The following RP1 variants were observed in gnomAD, a reference collection of about 807,000 sequenced individuals.
RP1 encodes oxygen-regulated protein 1.
Under a neutral mutation model 14.8 loss-of-function variants are expected in RP1, and 16 were observed. That is an observed-to-expected ratio of 1.08 (90% CI 0.73 to 1.65). The LOEUF (loss-of-function observed/expected upper bound fraction) is 1.65. RP1 is among the 40% of genes most tolerant of loss of function. The pLI is 0.00. For synonymous variants in RP1, 876 were observed against 883.6 expected (o/e 0.99, Z 0.15); for missense variants, 2,631 against 2,535.0 (o/e 1.04, Z -0.81).
chr8:54,734,645 T>C (rs1426315388), exon 18 of RP1: 50 of 1,535,640 alleles, frequency 3.3e-5, no homozygotes, highest in Non-Finnish European at 4.3e-5. Flanking sequence ...CCAATGTCAC[T>C]CTCTGGGTGT....
At chr8:54,587,425 CAAA>C (rs568598595) in intron 1 of RP1, among the ~76,000 whole-genome samples, 10 of 94,958 alleles carry the variant, frequency 1.1e-4, no homozygotes, top group Admixed American at 1.2e-4. Flanking sequence ...GACCCTGTCT[CAAA>C]AAAAAAAAAA....
At chr8:54,707,635 T>C (rs1319898080) in intron 15 of RP1, among the ~76,000 whole-genome samples, 2 of 152,222 alleles carry the variant, frequency 1.3e-5, no homozygotes, top group Admixed American at 6.5e-5. Context: ...CCCTCTCCCT[T>C]CTTACCAGTC....
intron 4 of RP1, among the ~76,000 whole-genome samples, chr8:54,649,988 T>A (rs1473566493): frequency 6.6e-6 from 1 of 152,184 alleles, no homozygotes; most frequent in African/African-American, 2.4e-5. Flanking sequence ...AGGAAAAGAT[T>A]TTGTCATTAT....
chr8:54,798,068 C>G (rs1054992784), intron 24 of RP1, among the ~76,000 whole-genome samples: 2 of 152,028 alleles, frequency 1.3e-5, no homozygotes, highest in Non-Finnish European at 2.9e-5. Context: ...AGCTGGAGTG[C>G]AGTGGTGGGA....
chr8:54,676,246 A>G (rs1329634639), intron 8 of RP1, among the ~76,000 whole-genome samples: 1 of 152,210 alleles, frequency 6.6e-6, no homozygotes, highest in East Asian at 1.9e-4. Context: ...ACAACAAGTT[A>G]TGGGTTCACC....
intron 19 of RP1, among the ~76,000 whole-genome samples, chr8:54,747,929 T>C (rs1337981154): frequency 6.6e-6 from 1 of 152,272 alleles, no homozygotes. Context: ...CCTAATGCTC[T>C]CTCCAATGTC....
At chr8:54,835,470 A>G (rs1811635577) in intron 24 of RP1, among the ~76,000 whole-genome samples, 1 of 152,148 alleles carries the variant, frequency 6.6e-6, no homozygotes, top group Admixed American at 6.6e-5. Context: ...ATCAATTTTA[A>G]TTTCATTTAT....
intron 19 of RP1, among the ~76,000 whole-genome samples, chr8:54,748,846 T>C (rs1262460910): frequency 6.6e-6 from 1 of 152,202 alleles, no homozygotes; most frequent in African/African-American, 2.4e-5. Context: ...TAGAAGTATT[T>C]TTTTTTGTTT....
chr8:54,584,730 G>T (rs1563318467), intron 1 of RP1, among the ~76,000 whole-genome samples: 1 of 152,162 alleles, frequency 6.6e-6, no homozygotes, highest in Non-Finnish European at 1.5e-5. Context: ...TTTTCTTGTT[G>T]AATTGATCCT....
At chr8:54,820,408 C>T (rs1158393249) in intron 24 of RP1, among the ~76,000 whole-genome samples, 1 of 152,078 alleles carries the variant, frequency 6.6e-6, no homozygotes, top group African/African-American at 2.4e-5. Flanking sequence ...TTATACAGGA[C>T]CCTAGACTGC....
At chr8:54,735,073 T>A (rs1248666252) in intron 18 of RP1, among the ~76,000 whole-genome samples, 1 of 152,206 alleles carries the variant, frequency 6.6e-6, no homozygotes, top group Non-Finnish European at 1.5e-5. Flanking sequence ...ATTCTGGTAA[T>A]GAAAACTCTT....
chr8:54,654,360 A>AT (rs1047864459), intron 5 of RP1, among the ~76,000 whole-genome samples: 8 of 152,116 alleles, frequency 5.3e-5, no homozygotes, highest in African/African-American at 1.9e-4. Context: ...CTTAATCTTG[A>AT]TTTTTTTCAA....
intron 24 of RP1, among the ~76,000 whole-genome samples, chr8:54,826,613 A>G (rs1352900891): frequency 6.6e-6 from 1 of 152,234 alleles, no homozygotes; most frequent in Non-Finnish European, 1.5e-5. Context: ...TTTACATCAA[A>G]TAATCCAATC....
chr8:54,778,926 G>GTAAT (rs1810113049), intron 23 of RP1, among the ~76,000 whole-genome samples: 1 of 152,090 alleles, frequency 6.6e-6, no homozygotes, highest in African/African-American at 2.4e-5. Flanking sequence ...ACGTCAGCAT[G>GTAAT]GATGTAATGA....
chr8:54,840,348 G>A (rs532641380), intron 25 of RP1, among the ~76,000 whole-genome samples: 3 of 151,926 alleles, frequency 2.0e-5, no homozygotes, highest in East Asian at 3.9e-4. Context: ...TGCCTCCTAG[G>A]TTCAAGCGAT....
intron 24 of RP1, among the ~76,000 whole-genome samples, chr8:54,793,487 G>C (rs1357235267): frequency 1.3e-5 from 2 of 151,880 alleles, no homozygotes; most frequent in African/African-American, 4.8e-5. Flanking sequence ...GCGTAATCAA[G>C]TGGGGTTTAT....
chr8:54,791,730 A>G (rs1810470378), intron 24 of RP1, among the ~76,000 whole-genome samples: 1 of 152,092 alleles, frequency 6.6e-6, no homozygotes. Flanking sequence ...CAAAAGATTA[A>G]GAGACAGAGA....
Position 54,627,071 on chromosome 8 carries a change from A to T in RP1, c.3189A>T (p.Gln1063His). Residue 1063 changes from glutamine to histidine, a missense_variant, in exon 4 of 4, where the codon CAA (glutamine) becomes CAT (histidine). Physicochemically the swap from Gln to His is conservative, Grantham distance 24. Coordinates refer to ENST00000220676, the MANE Select transcript of RP1 (RefSeq NM_006269.2). ...YQEINLARKRQSVEAAIQVDP... is the reference protein window; with the variant it reads ...YQEINLARKRHSVEAAIQVDP... ...AAATAAACCTAGCTAGAAAAAGGCA[A>T]AGTGTAGAGGCTGCCATTCAAGTAG... 6.2e-7 allele frequency: 1 copy of T among 1,614,076 alleles called. No individual in the cohort carries two copies. Among genetic ancestry groups the T allele is most frequent in the Non-Finnish European group, 8.5e-7 (1 of 1,179,974 alleles).
intron 17 of RP1, among the ~76,000 whole-genome samples, chr8:54,729,534 C>T (rs879744666): frequency 2.0e-5 from 3 of 151,702 alleles, no homozygotes; most frequent in Non-Finnish European, 4.4e-5. Flanking sequence ...AATTTCATTC[C>T]GAAAAAAAGT....
Sources: gnomAD v4.1 joint callset for allele counts (sites outside exome capture counted in the v4.1 genomes callset) on GRCh38, gnomAD v4.1.1 for gene constraint, MANE v1.5 for transcripts, NCBI Gene and HGNC (gene_info 2026-07-23, HGNC 2026-07-21) for gene names.